The following PALS1 variants were observed in gnomAD, a reference collection of about 807,000 sequenced individuals.
PALS1 encodes protein associated with LIN7 1, MAGUK p55 family member.
PALS1 carries 31 observed loss-of-function variants against 78.9 expected under a neutral mutation model. That is an observed-to-expected ratio of 0.39 (90% CI 0.30 to 0.53). PALS1 has a LOEUF of 0.53. Among genes scored for constraint, PALS1 ranks in the 20% least tolerant of loss-of-function variants. The pLI, the probability that PALS1 is intolerant of heterozygous loss-of-function variation, is 0.67. For synonymous variants in PALS1, 276 were observed against 270.9 expected (o/e 1.02, Z -0.18); for missense variants, 704 against 826.5 (o/e 0.85, Z 1.82).
intron 3 of PALS1, among the ~76,000 whole-genome samples, chr14:67,282,963 G>A (rs2084625568): frequency 6.6e-6 from 1 of 152,060 alleles, no homozygotes; most frequent in Non-Finnish European, 1.5e-5. Flanking sequence ...TATATAGATA[G>A]AATACTTGAA....
At chr14:67,251,088 A>C (rs1212257282) in intron 1 of PALS1, among the ~76,000 whole-genome samples, 1 of 152,236 alleles carries the variant, frequency 6.6e-6, no homozygotes, top group Non-Finnish European at 1.5e-5. Context: ...AGTGATAGAA[A>C]GGAGTTGAAT....
At chr14:67,261,129 A>G (rs1438184381) in intron 1 of PALS1, among the ~76,000 whole-genome samples, 1 of 152,200 alleles carries the variant, frequency 6.6e-6, no homozygotes, top group African/African-American at 2.4e-5. Context: ...TAGTGAATGA[A>G]TGGTACATAG....
In PALS1 at chr14:67,317,369, G is replaced by A. The variant is rs192523949; in HGVS notation, c.1298-39G>A. 2.1e-4 allele frequency: 314 copies of A among 1,502,774 alleles called. 4 individuals are homozygous for A. In the Admixed American group the frequency reaches 5.8e-3, roughly 28 times the overall value. The allele number at this position is 1,502,774 out of a possible 1,614,324, so 93.1% of individuals were successfully genotyped here. A position where few individuals can be genotyped will look rare whatever the true frequency, so the allele number is the denominator to read the frequency against. ...ATTTGAGTTATGTGGTTTTGTTCAC[G>A]GGAACACATTTATAGTTATGTTTAT... On this transcript the variant is annotated intron_variant, in intron 10 of 14. Coordinates refer to ENST00000261681, the MANE Select transcript of PALS1 (RefSeq NM_022474.4).
chr14:67,312,729 GA>G lies in PALS1; in HGVS notation c.1225+22del. The G allele has an allele frequency of 6.5e-7, 1 of 1,529,884 alleles. No individual in the cohort carries two copies. Among genetic ancestry groups the G allele is most frequent in the Non-Finnish European group, 8.8e-7 (1 of 1,135,026 alleles). 94.8% of individuals were successfully genotyped at this position (1,529,884 alleles called of 1,614,324 possible). A position where few individuals can be genotyped will look rare whatever the true frequency, so the allele number is the denominator to read the frequency against. On this transcript the variant is annotated intron_variant, in intron 9 of 14. Transcript: ENST00000261681. ...GTTCCAGGTAAGACACAATATGGTAGAAAGTACATAATATTAAAAGAACATT... is the reference window on the plus strand; with the variant it reads ...GTTCCAGGTAAGACACAATATGGTAGAAGTACATAATATTAAAAGAACATT...
intron 4 of PALS1, chr14:67,294,604 G>A (rs1281399196): frequency 6.6e-6 from 1 of 151,786 alleles, no homozygotes; most frequent in East Asian, 1.9e-4. Flanking sequence ...CAAATTTTAA[G>A]GTCTAGATTA....
chr14:67,303,427 C>A, intron 7 of PALS1, 95 bp from the exon 8 acceptor site: 1 of 953,064 alleles, frequency 1.0e-6, no homozygotes, highest in Non-Finnish European at 1.7e-6. Context: ...TGGAGGGGTT[C>A]TGAAATAGTC....
intron 1 of PALS1, among the ~76,000 whole-genome samples, 163 bp from the exon 2 acceptor site, chr14:67,269,538 A>C (rs1490336840): frequency 1.3e-5 from 2 of 152,184 alleles, no homozygotes; most frequent in Non-Finnish European, 2.9e-5. Context: ...TCCATTAGAT[A>C]CAGGGGTCAT....
intron 14 of PALS1, among the ~76,000 whole-genome samples, chr14:67,324,103 A>G (rs964889140): frequency 3.7e-4 from 57 of 152,208 alleles, no homozygotes; most frequent in African/African-American, 1.3e-3. Flanking sequence ...CTTCAGGATT[A>G]CTGACTTTTC....
chr14:67,295,314 G>T (rs1198188784), intron 4 of PALS1, among the ~76,000 whole-genome samples: 3 of 151,432 alleles, frequency 2.0e-5, no homozygotes, highest in South Asian at 4.2e-4. Flanking sequence ...GTGAAACCTG[G>T]TCTCTACTAA....
chr14:67,243,592 A>C (rs1331486933), intron 1 of PALS1, among the ~76,000 whole-genome samples: 1 of 144,342 alleles, frequency 6.9e-6, no homozygotes, highest in East Asian at 2.0e-4. Context: ...TCCCGGGTTC[A>C]CGCCATTTTT....
At chr14:67,329,924 A>G (rs896353260) in intron 14 of PALS1, among the ~76,000 whole-genome samples, 5 of 151,136 alleles carry the variant, frequency 3.3e-5, no homozygotes, top group African/African-American at 1.2e-4. Flanking sequence ...ACTGGATGCA[A>G]AATGTAACCA....
intron 3 of PALS1, among the ~76,000 whole-genome samples, chr14:67,289,553 A>G (rs1296615332): frequency 6.6e-6 from 1 of 152,064 alleles, no homozygotes; most frequent in Non-Finnish European, 1.5e-5. Flanking sequence ...GACTAAATAT[A>G]TATATGTTTG....
chr14:67,269,339 G>A (rs569869066), intron 1 of PALS1, among the ~76,000 whole-genome samples: 15 of 151,442 alleles, frequency 9.9e-5, no homozygotes, highest in Non-Finnish European at 1.9e-4. Context: ...ACAAGTTTTT[G>A]TGTGTGTGTG....
intron 14 of PALS1, among the ~76,000 whole-genome samples, chr14:67,327,003 C>T (rs112740756): frequency 3.3e-5 from 5 of 152,022 alleles, no homozygotes; most frequent in Admixed American, 6.6e-5. Flanking sequence ...AGTGAAACCC[C>T]GTCTCTACTA....
chr14:67,298,399 C>T (rs983157235), intron 4 of PALS1, among the ~76,000 whole-genome samples: 3 of 151,712 alleles, frequency 2.0e-5, no homozygotes, highest in African/African-American at 7.3e-5. Flanking sequence ...CCTGTAATCC[C>T]AGCTACTCAG....
intron 8 of PALS1, among the ~76,000 whole-genome samples, chr14:67,305,284 A>G (rs1358384918): frequency 6.6e-6 from 1 of 151,936 alleles, no homozygotes; most frequent in Non-Finnish European, 1.5e-5. Context: ...AGAAGTTAAG[A>G]CATTTTTTTT....
At chr14:67,303,841 C>T (rs577505374) in intron 8 of PALS1, among the ~76,000 whole-genome samples, 29 of 151,550 alleles carry the variant, frequency 1.9e-4, no homozygotes, top group Admixed American at 7.2e-4. Flanking sequence ...GATCTTGGCT[C>T]ACTGCAACCT....
At chr14:67,266,621 C>T (rs934615537) in intron 1 of PALS1, among the ~76,000 whole-genome samples, 3 of 152,040 alleles carry the variant, frequency 2.0e-5, no homozygotes, top group Non-Finnish European at 4.4e-5. Flanking sequence ...CCACCTCGCC[C>T]AGCTGAAATA....
chr14:67,292,797 A>G, intron 4 of PALS1, 78 bp downstream of exon 4: 1 of 1,068,728 alleles, frequency 9.4e-7, no homozygotes, highest in Non-Finnish European at 1.4e-6. Context: ...GGAAAATACT[A>G]ATGTGACTAT....
Sources: allele counts gnomAD v4.1 joint callset (sites outside exome capture counted in the v4.1 genomes callset), GRCh38; gene constraint gnomAD v4.1.1; transcripts MANE v1.5; gene names NCBI Gene and HGNC (gene_info 2026-07-23, HGNC 2026-07-21).